The following POLR3B variants were observed in gnomAD, a reference collection of about 807,000 sequenced individuals.
POLR3B encodes RNA polymerase III subunit B.
A neutral mutation model predicts 147.4 loss-of-function variants in POLR3B; 96 were observed. The observed-to-expected ratio is 0.65, with a 90% CI of 0.55 to 0.77. POLR3B has a LOEUF of 0.77. Ranked by LOEUF, POLR3B falls within the 30% of genes least tolerant of loss-of-function variation. The pLI, the probability that POLR3B is intolerant of heterozygous loss-of-function variation, is 0.00. For synonymous variants in POLR3B, 461 were observed against 485.9 expected (o/e 0.95, Z 0.67); for missense variants, 1,036 against 1,413.5 (o/e 0.73, Z 4.28).
intron 21 of POLR3B, among the ~76,000 whole-genome samples, chr12:106,458,247 G>T (rs2037889986): frequency 6.6e-6 from 1 of 151,958 alleles, no homozygotes. Flanking sequence ...TCAACCTCCT[G>T]TATAGCTGGG....
At position 106,509,802 on chromosome 12, in the gene POLR3B, G is replaced by A. The variant is rs2038747169; in HGVS notation, c.*253G>A. ...GGCTGCTTGATTCACAGATGGATGT[G>A]ACCTAAAGGATAAATAAGCTATTAC... On this transcript the variant is annotated 3_prime_UTR_variant, in exon 28 of 28. Coordinates refer to ENST00000228347, the MANE Select transcript of POLR3B (RefSeq NM_018082.6). 4.8e-6 allele frequency: 2 copies of A among 417,258 alleles called. No homozygotes were observed. The highest frequency in any genetic ancestry group is 2.2e-5 in the South Asian group (1 of 46,198). The allele number at this position is 417,258 out of a possible 1,614,324, so 25.8% of individuals were successfully genotyped here.
chr12:106,486,018 G>C (rs187439124), intron 23 of POLR3B, among the ~76,000 whole-genome samples: 1 of 152,062 alleles, frequency 6.6e-6, no homozygotes, highest in Non-Finnish European at 1.5e-5. Context: ...GGCCAGGCGC[G>C]GTGGCTCACG....
intron 20 of POLR3B, among the ~76,000 whole-genome samples, chr12:106,456,861 C>T (rs144639172): frequency 6.6e-6 from 1 of 152,240 alleles, no homozygotes; most frequent in African/African-American, 2.4e-5. Flanking sequence ...TTTCTCTCAC[C>T]GTTCTCCAGT....
chr12:106,380,363 C>T (rs2136902029), intron 9 of POLR3B, among the ~76,000 whole-genome samples: 1 of 146,996 alleles, frequency 6.8e-6, no homozygotes, highest in African/African-American at 2.5e-5. Context: ...CGCCTGAGCC[C>T]AGGAGTTTGA....
At chr12:106,457,086 T>A in intron 20 of POLR3B, 52 bp from the exon 21 acceptor site, 5 of 1,505,006 alleles carry the variant, frequency 3.3e-6, no homozygotes, top group Non-Finnish European at 3.7e-6. Flanking sequence ...CCATATTTCC[T>A]TATAGCTTTG....
At chr12:106,438,009 A>G (rs1206851699) in intron 18 of POLR3B, among the ~76,000 whole-genome samples, 1 of 152,148 alleles carries the variant, frequency 6.6e-6, no homozygotes, top group African/African-American at 2.4e-5. Context: ...TAAGCCCAGC[A>G]TGCATTAGCT....
intron 6 of POLR3B, among the ~76,000 whole-genome samples, 178 bp from the exon 7 acceptor site, chr12:106,376,181 C>T (rs1229447520): frequency 6.6e-6 from 1 of 152,162 alleles, no homozygotes. Context: ...GAGCAGCGTG[C>T]CTGAGAAAAT....
chr12:106,466,093 TC>T (rs967190233), intron 23 of POLR3B, among the ~76,000 whole-genome samples: 11 of 152,226 alleles, frequency 7.2e-5, no homozygotes, highest in African/African-American at 2.2e-4. Flanking sequence ...TTCCTATTTT[TC>T]TATAACCTCT....
chr12:106,496,145 C>T lies in POLR3B; in HGVS notation c.2804C>T (p.Pro935Leu). 1 of 1,598,348 alleles carries T rather than the reference C, an allele frequency of 6.3e-7. No homozygotes were observed. The highest frequency in any genetic ancestry group is 8.6e-7 in the Non-Finnish European group (1 of 1,165,610). The change falls in exon 24 of 28, where the codon CCA (proline) becomes CTA (leucine). Residue 935 changes from proline (P) to leucine (L), a missense_variant. Physicochemically the swap from Pro to Leu is moderately conservative, Grantham distance 98. Transcript: ENST00000228347. ...PDIIMNPHGF[P>L]SRMTVGKLIE... ...ATCATCATGAACCCACACGGCTTCC[C>T]ATCACGAATGACGGTCAGTGACCTG...
intron 18 of POLR3B, among the ~76,000 whole-genome samples, chr12:106,439,413 T>G (rs2037620594): frequency 6.6e-6 from 1 of 151,912 alleles, no homozygotes; most frequent in Non-Finnish European, 1.5e-5. Flanking sequence ...TGCTACCAAA[T>G]GAAATATATT....
At chr12:106,424,180 A>T (rs1225538789) in intron 12 of POLR3B, among the ~76,000 whole-genome samples, 4 of 151,792 alleles carry the variant, frequency 2.6e-5, no homozygotes, top group Non-Finnish European at 5.9e-5. Flanking sequence ...ACATATATAT[A>T]TATTCCTCTC....
chr12:106,437,956 G>C (rs927474003), intron 18 of POLR3B, among the ~76,000 whole-genome samples, 177 bp downstream of exon 18: 1 of 152,042 alleles, frequency 6.6e-6, no homozygotes, highest in Non-Finnish European at 1.5e-5. Context: ...GTAAACGTGG[G>C]CCATGGTGGT....
At chr12:106,423,600 T>C (rs1251683067) in intron 12 of POLR3B, among the ~76,000 whole-genome samples, 6 of 152,132 alleles carry the variant, frequency 3.9e-5, no homozygotes, top group Non-Finnish European at 7.4e-5. Flanking sequence ...AAAATGGGTG[T>C]CTCAGCTCCA....
At chr12:106,495,692 A>G (rs1306700811) in intron 23 of POLR3B, among the ~76,000 whole-genome samples, 1 of 152,170 alleles carries the variant, frequency 6.6e-6, no homozygotes, top group Non-Finnish European at 1.5e-5. Flanking sequence ...CGAACTAGCT[A>G]ATGAGGAGCA....
At chr12:106,404,115 G>T (rs2037115849) in intron 10 of POLR3B, among the ~76,000 whole-genome samples, 1 of 145,334 alleles carries the variant, frequency 6.9e-6, no homozygotes, top group Admixed American at 6.9e-5. Context: ...TTTTGAGACA[G>T]AGCCTCACTC....
chr12:106,483,784 G>C (rs943378519), intron 23 of POLR3B, among the ~76,000 whole-genome samples: 1 of 152,170 alleles, frequency 6.6e-6, no homozygotes, highest in Non-Finnish European at 1.5e-5. Context: ...GTGCTCAAGA[G>C]TCTATAAGTT....
intron 23 of POLR3B, among the ~76,000 whole-genome samples, chr12:106,486,519 A>G (rs1384185808): frequency 2.0e-5 from 3 of 152,058 alleles, no homozygotes; most frequent in Non-Finnish European, 4.4e-5. Flanking sequence ...CGTTGGAAAG[A>G]CACTACCTTT....
intron 1 of POLR3B, among the ~76,000 whole-genome samples, chr12:106,362,486 G>T (rs930542341): frequency 6.6e-6 from 1 of 152,168 alleles, no homozygotes; most frequent in East Asian, 1.9e-4. Context: ...TATGAGAGAG[G>T]ATCTGCTCTG....
At chr12:106,493,916 G>A (rs1184613381) in intron 23 of POLR3B, among the ~76,000 whole-genome samples, 2 of 152,174 alleles carry the variant, frequency 1.3e-5, no homozygotes, top group Admixed American at 6.5e-5. Flanking sequence ...GTAATTTTAA[G>A]TCAGCTAAGA....
Sources: allele counts gnomAD v4.1 joint callset (sites outside exome capture counted in the v4.1 genomes callset), GRCh38; gene constraint gnomAD v4.1.1; transcripts MANE v1.5; gene names NCBI Gene and HGNC (gene_info 2026-07-23, HGNC 2026-07-21).